Variants in BIRC6 observed in about 807,000 individuals in gnomAD.
The protein encoded by BIRC6 is baculoviral IAP repeat containing 6.
In BIRC6, 98 loss-of-function variants were observed where a neutral mutation model predicts 503.3. That is an observed-to-expected ratio of 0.19 (90% CI 0.17 to 0.23). The LOEUF is 0.23. BIRC6 is among the 10% of genes least tolerant of loss of function. BIRC6 has a pLI of 1.00. For missense variants in BIRC6, 5,360 were observed against 5,806.0 expected (o/e 0.92, Z 2.50); for synonymous variants, 2,240 against 2,078.7 (o/e 1.08, Z -2.11).
At chr2:32,430,825 T>TC (rs2044019529) in intron 11 of BIRC6, 40 bp from the exon 12 acceptor site, 2 of 1,044,718 alleles carry the variant, frequency 1.9e-6, no homozygotes, top group Non-Finnish European at 2.8e-6. Context: ...TTTTTTTTTT[T>TC]TCCACACCTA....
intron 53 of BIRC6, 21 bp from the exon 54 acceptor site, chr2:32,512,911 GA>G (rs2054589331): frequency 5.6e-6 from 9 of 1,603,478 alleles, no homozygotes; most frequent in Non-Finnish European, 7.7e-6. Context: ...TTGGTTATAT[GA>G]ATTCGTTTTC....
At position 32,357,067 on chromosome 2, in the gene BIRC6, T is replaced by G; in HGVS notation, c.-95T>G. The G allele has an allele frequency of 1.8e-6, 2 of 1,105,248 alleles. No individual in the cohort carries two copies. The highest frequency in any genetic ancestry group is 2.4e-6 in the Non-Finnish European group (2 of 819,268). 68.5% of individuals were successfully genotyped at this position (1,105,248 alleles called of 1,614,324 possible). A position where few individuals can be genotyped will look rare whatever the true frequency, so the allele number is the denominator to read the frequency against. ...CCTCTCCCGTCAGCCTCCCTCCGAG[T>G]TTGGCCCCTCCGGCCGGGCGATCGA... is the stretch of plus-strand genomic sequence containing the variant. On this transcript the variant is annotated 5_prime_UTR_variant, in exon 1 of 74. Coordinates refer to ENST00000421745, the MANE Select transcript of BIRC6 (RefSeq NM_016252.4). The surrounding 1 kb of genome is among the most constrained non-coding windows in gnomAD (Gnocchi z 4.9).
chr2:32,360,117 C>G (rs1234097183), intron 1 of BIRC6, among the ~76,000 whole-genome samples: 1 of 152,138 alleles, frequency 6.6e-6, no homozygotes, highest in Non-Finnish European at 1.5e-5. Context: ...ACTTTCTTTT[C>G]TACCACAGAG....
At chr2:32,455,691 A>G (rs964342252) in intron 23 of BIRC6, among the ~76,000 whole-genome samples, 2 of 152,232 alleles carry the variant, frequency 1.3e-5, no homozygotes, top group African/African-American at 4.8e-5. Context: ...ATGTGTTTGC[A>G]AAAGGCACAT....
intron 24 of BIRC6, among the ~76,000 whole-genome samples, chr2:32,463,760 G>C (rs780507103): frequency 1.2e-4 from 18 of 152,158 alleles, no homozygotes; most frequent in Non-Finnish European, 2.2e-4. Flanking sequence ...AATGACAGAT[G>C]CTTCATAAAT....
chr2:32,554,500 G>A (rs2058647841), intron 65 of BIRC6, among the ~76,000 whole-genome samples: 1 of 152,172 alleles, frequency 6.6e-6, no homozygotes. Context: ...AAATGAGTAA[G>A]TGATGTGTTA....
At chr2:32,402,773 G>C (rs763268911) in intron 8 of BIRC6, among the ~76,000 whole-genome samples, 36 of 152,124 alleles carry the variant, frequency 2.4e-4, no homozygotes, top group Non-Finnish European at 4.3e-4. Context: ...TAGTGGAAAA[G>C]TAATAGAAGA....
chr2:32,434,547 C>A (rs1057196287), intron 13 of BIRC6, among the ~76,000 whole-genome samples: 2 of 151,982 alleles, frequency 1.3e-5, no homozygotes, highest in African/African-American at 4.8e-5. Context: ...AGAAAATATA[C>A]AAATAAAAAA....
chr2:32,481,705 G>A (rs1387844661), intron 38 of BIRC6, among the ~76,000 whole-genome samples: 1 of 151,940 alleles, frequency 6.6e-6, no homozygotes, highest in East Asian at 1.9e-4. Context: ...GGTGGAGCTT[G>A]GAGTGAGCCA....
chr2:32,465,042 T>C (rs1172685658), intron 25 of BIRC6, 23 bp from the exon 26 acceptor site: 1 of 636,740 alleles, frequency 1.6e-6, no homozygotes, highest in East Asian at 5.6e-5. Context: ...TAAAGTTAGA[T>C]TTTTTTTTTT....
In BIRC6 at chr2:32,532,170, T is replaced by TGTGTGTGTGTGTGTGTGTGG. The variant is rs748387469; in HGVS notation, c.12291+620_12291+621insTGTGTGTGTGTGTGTGTGGG. Reference sequence around the variant, plus strand: ...GTGTGTGTGTGTGTGTGTGTGTGTGTGGTTATTTTGGTATAGTAGCTCTAG... The same window carrying TGTGTGTGTGTGTGTGTGTGG: ...GTGTGTGTGTGTGTGTGTGTGTGTGTGTGTGTGTGTGTGTGTGTGGGGTTATTTTGGTATAGTAGCTCTAG... On this transcript the variant is annotated intron_variant, in intron 61 of 73. Coordinates refer to ENST00000421745, the MANE Select transcript of BIRC6 (RefSeq NM_016252.4). 5.6e-6 allele frequency: 3 copies of TGTGTGTGTGTGTGTGTGTGG among 531,802 alleles called. No homozygotes were observed. The African/African-American group carries it at 5.8e-5, about 10-fold the overall frequency. The allele number at this position is 531,802 out of a possible 1,614,324, so 32.9% of individuals were successfully genotyped here.
At chr2:32,556,142 A>G (rs760165009) in intron 65 of BIRC6, among the ~76,000 whole-genome samples, 22 of 152,198 alleles carry the variant, frequency 1.4e-4, no homozygotes, top group Non-Finnish European at 3.2e-4. Flanking sequence ...CTTATCAACA[A>G]ATGTTAATTC....
intron 45 of BIRC6, among the ~76,000 whole-genome samples, chr2:32,495,696 A>C (rs2052357106): frequency 6.6e-6 from 1 of 151,678 alleles, no homozygotes; most frequent in Non-Finnish European, 1.5e-5. Context: ...TACCCTCCTC[A>C]CACAAAGTCA....
At chr2:32,496,108 G>C (rs1387106279) in intron 45 of BIRC6, among the ~76,000 whole-genome samples, 2 of 152,144 alleles carry the variant, frequency 1.3e-5, no homozygotes, top group Admixed American at 1.3e-4. Flanking sequence ...TGGGATTACA[G>C]GCATGAGCCA....
chr2:32,515,906 A>ACTG, intron 55 of BIRC6, 136 bp downstream of exon 55: 2 of 782,044 alleles, frequency 2.6e-6, no homozygotes, highest in Non-Finnish European at 2.0e-6. Context: ...AAGTACTGAT[A>ACTG]TCTCCTTTCT....
At chr2:32,512,634 C>T (rs958086848) in intron 53 of BIRC6, among the ~76,000 whole-genome samples, 6 of 152,098 alleles carry the variant, frequency 3.9e-5, no homozygotes, top group Non-Finnish European at 7.4e-5. Flanking sequence ...GTGAAACGTG[C>T]TGTATTTCAT....
intron 10 of BIRC6, among the ~76,000 whole-genome samples, chr2:32,420,813 C>T (rs1182587365): frequency 6.6e-6 from 1 of 151,906 alleles, no homozygotes; most frequent in Non-Finnish European, 1.5e-5. Context: ...TGCCTGGCTC[C>T]TTACATTCCT....
rs199890663 is a variant in BIRC6 at position 32,547,863 on chromosome 2, G to A, written c.12824G>A (p.Ser4275Asn). The A allele has an allele frequency of 6.4e-7, 1 of 1,570,000 alleles. No individual in the cohort carries two copies. Among genetic ancestry groups the A allele is most frequent in the African/African-American group, 1.4e-5 (1 of 72,472 alleles). The change falls in exon 64 of 74, where the codon AGC (serine) becomes AAC (asparagine). Residue 4275 changes from serine to asparagine, a missense_variant. Ser to Asn is a conservative substitution (Grantham distance 46, BLOSUM62 1). Coordinates refer to ENST00000421745, the MANE Select transcript of BIRC6 (RefSeq NM_016252.4). ...TGTTATTTTAAGCCACAGGTGTCAA[G>A]CTCTCATAACCCTACATCAACAGAA... ...SVNQTEPQVS[S>N]SHNPTSTEEQ...
Position 32,590,205 on chromosome 2 carries a change from T to C in BIRC6, c.13356-3710T>C, listed in dbSNP as rs565745501. On this transcript the variant is annotated intron_variant, in intron 66 of 73. Coordinates refer to ENST00000421745, the MANE Select transcript of BIRC6 (RefSeq NM_016252.4). ...GTTTACCTCTAATCTAAACTATAAT[T>C]ACTGTCAAAGAGCTTTAGAACTGAG... 6.6e-5 allele frequency among the ~76,000 whole-genome samples: 10 copies of C among 152,354 alleles called. No homozygotes were observed. The South Asian group carries it at 2.1e-3, about 32-fold the overall frequency.
Sources: allele counts gnomAD v4.1 joint callset (sites outside exome capture counted in the v4.1 genomes callset), GRCh38; gene constraint gnomAD v4.1.1; non-coding constraint Gnocchi (gnomAD v3.1); transcripts MANE v1.5; gene names NCBI Gene and HGNC (gene_info 2026-07-23, HGNC 2026-07-21).